The following CDK7 variants were observed in gnomAD, a reference collection of about 807,000 sequenced individuals.
CDK7 encodes the protein cyclin dependent kinase 7, also known as cyclin-dependent kinase 7.
CDK7 carries 25 observed loss-of-function variants against 49.1 expected under a neutral mutation model. The ratio of observed to expected loss-of-function variants is 0.51; its 90% CI spans 0.37 to 0.71. The LOEUF (loss-of-function observed/expected upper bound fraction) is 0.71. CDK7 is among the 30% of genes least tolerant of loss of function. The probability of loss-of-function intolerance (pLI) is 0.00; values close to 1 mark genes in which losing one functional copy is unlikely to be tolerated. For synonymous variants in CDK7, 107 were observed against 140.0 expected (o/e 0.76, Z 1.67); for missense variants, 316 against 411.7 (o/e 0.77, Z 2.01).
chr5:69,270,483 G>A (rs1464802725), intron 9 of CDK7, among the ~76,000 whole-genome samples: 6 of 152,022 alleles, frequency 3.9e-5, no homozygotes, highest in African/African-American at 2.4e-5. Flanking sequence ...CATATTTCAC[G>A]GACCCTTTAC....
At chr5:69,256,653 A>G (rs929188249) in intron 5 of CDK7, among the ~76,000 whole-genome samples, 1 of 152,126 alleles carries the variant, frequency 6.6e-6, no homozygotes, top group African/African-American at 2.4e-5. Context: ...TTTCTTTTAG[A>G]TAAATACCTA....
At chr5:69,236,541 C>CT (rs372172539) in intron 2 of CDK7, among the ~76,000 whole-genome samples, 1 of 151,960 alleles carries the variant, frequency 6.6e-6, no homozygotes, top group South Asian at 2.1e-4. Context: ...TTAATTCCCC[C>CT]TTTTTTTGGT....
At position 69,277,127 on chromosome 5, in the gene CDK7, A is replaced by G. The variant is rs779651538; in HGVS notation, c.1033A>G (p.Ile345Val). Residue 345 changes from isoleucine to valine, a missense_variant, in exon 12 of 12, where the codon ATT (isoleucine) becomes GTT (valine). Transcript: ENST00000256443. ...LEQGGLPKKL[I>V]F ...CCTAGGAGGATTGCCCAAGAAACTA[A>G]TTTTTTAAAGAGAACACTGGACAAC... The G allele has an allele frequency of 3.1e-6, 5 of 1,599,576 alleles. No individual in the cohort carries two copies. The highest frequency in any genetic ancestry group is 3.5e-5 in the Admixed American group (2 of 57,356).
At chr5:69,262,701 G>T (rs1036228414) in intron 8 of CDK7, among the ~76,000 whole-genome samples, 1 of 148,892 alleles carries the variant, frequency 6.7e-6, no homozygotes, top group African/African-American at 2.5e-5. Context: ...AAAAAGAAAA[G>T]AATTCTTGTC....
intron 2 of CDK7, among the ~76,000 whole-genome samples, chr5:69,241,043 AT>A (rs1331494739): frequency 3.3e-5 from 5 of 152,206 alleles, no homozygotes; most frequent in African/African-American, 1.2e-4. Flanking sequence ...TAGTGCTGCA[AT>A]AAACATGGGA....
intron 2 of CDK7, among the ~76,000 whole-genome samples, chr5:69,241,228 C>G (rs1426132752): frequency 1.3e-5 from 2 of 151,812 alleles, no homozygotes; most frequent in Non-Finnish European, 2.9e-5. Flanking sequence ...TCCCTTTTCT[C>G]CACATCCCTC....
chr5:69,255,444 T>A lies in CDK7; in HGVS notation c.229-16T>A. ...TATTAAATAGTGAATCACATTTTAA[T>A]TTTTTAACTTTGCAGCTCCTTGATG... On this transcript the variant is annotated splice_polypyrimidine_tract_variant and intron_variant, in intron 4 of 11. Transcript: ENST00000256443. 6.6e-7 allele frequency: 1 copy of A among 1,510,150 alleles called. No homozygotes were observed. The highest frequency in any genetic ancestry group is 9.0e-7 in the Non-Finnish European group (1 of 1,114,876). 93.5% of individuals were successfully genotyped at this position (1,510,150 alleles called of 1,614,324 possible).
chr5:69,255,407 GA>G (rs1554064413), intron 4 of CDK7, 52 bp from the exon 5 acceptor site: 2 of 1,032,858 alleles, frequency 1.9e-6, no homozygotes, highest in African/African-American at 3.2e-5. Flanking sequence ...CAGTTGCTAT[GA>G]TACTGTCAGG....
chr5:69,246,630 C>T (rs1240995123), intron 2 of CDK7, among the ~76,000 whole-genome samples: 3 of 150,554 alleles, frequency 2.0e-5, no homozygotes, highest in Non-Finnish European at 3.0e-5. Flanking sequence ...TTATTTTCTT[C>T]TAACTTTGGG....
chr5:69,251,607 A>T (rs1213856511), intron 2 of CDK7, among the ~76,000 whole-genome samples: 2 of 151,998 alleles, frequency 1.3e-5, no homozygotes, highest in Admixed American at 6.6e-5. Flanking sequence ...CAGTGTGATC[A>T]TGGCTCACTG....
intron 2 of CDK7, among the ~76,000 whole-genome samples, chr5:69,250,499 G>A (rs1435374960): frequency 1.3e-5 from 2 of 152,318 alleles, no homozygotes; most frequent in East Asian, 1.9e-4. Flanking sequence ...GGTACCACCA[G>A]TGTTCACTTA....
At chr5:69,273,773 A>AT (rs1490922656) in intron 10 of CDK7, among the ~76,000 whole-genome samples, 3 of 152,192 alleles carry the variant, frequency 2.0e-5, no homozygotes, top group Admixed American at 6.6e-5. Flanking sequence ...AGCATACAAA[A>AT]TAGATTTTTT....
rs753545003 is a variant in CDK7 at position 69,272,889 on chromosome 5, C to T, written c.715-3C>T. On this transcript the variant is annotated splice_polypyrimidine_tract_variant and splice_region_variant and intron_variant, in intron 9 of 11. Coordinates refer to ENST00000256443, the MANE Select transcript of CDK7 (RefSeq NM_001799.4). The stretch of plus-strand genomic sequence containing the variant: ...AGTTTGAATTACAAAATTATTTTTA[C>T]AGGACATGTGTAGTCTTCCAGATTA... The T allele has an allele frequency of 2.6e-6, 4 of 1,544,660 alleles. No individual in the cohort carries two copies. The highest frequency in any genetic ancestry group is 2.3e-5 in the East Asian group (1 of 43,988).
intron 5 of CDK7, 87 bp from the exon 6 acceptor site, chr5:69,257,956 T>C (rs1561361899): frequency 2.1e-5 from 16 of 745,750 alleles, no homozygotes. Flanking sequence ...TATTGATACT[T>C]ACATTTTAAG....
chr5:69,254,887 C>T (rs775289272), intron 4 of CDK7, among the ~76,000 whole-genome samples: 4 of 152,140 alleles, frequency 2.6e-5, no homozygotes, highest in South Asian at 2.1e-4. Flanking sequence ...CTAATTTTGT[C>T]GGAAATAATT....
intron 1 of CDK7, 113 bp downstream of exon 1, chr5:69,235,154 T>C: frequency 9.4e-7 from 1 of 1,058,562 alleles, no homozygotes; most frequent in East Asian, 2.6e-5. Context: ...CTCGTTCTCG[T>C]TGGGGGAAAC....
intron 8 of CDK7, among the ~76,000 whole-genome samples, chr5:69,265,043 C>G (rs2150221094): frequency 6.6e-6 from 1 of 151,742 alleles, no homozygotes; most frequent in South Asian, 2.1e-4. Context: ...GCAGGCAGAT[C>G]ACGAGGTGAG....
chr5:69,253,413 C>T (rs984835013), intron 3 of CDK7, among the ~76,000 whole-genome samples: 1 of 152,022 alleles, frequency 6.6e-6, no homozygotes, highest in African/African-American at 2.4e-5. Flanking sequence ...TACAGGTGCA[C>T]ACCACCATGC....
intron 8 of CDK7, among the ~76,000 whole-genome samples, chr5:69,264,251 A>G (rs1751005232): frequency 6.6e-6 from 1 of 152,226 alleles, no homozygotes; most frequent in Non-Finnish European, 1.5e-5. Context: ...TAAGCACACC[A>G]TACTTTTTTA....
Sources: gnomAD v4.1 joint callset for allele counts (sites outside exome capture counted in the v4.1 genomes callset) on GRCh38, gnomAD v4.1.1 for gene constraint, MANE v1.5 for transcripts, NCBI Gene and HGNC (gene_info 2026-07-23, HGNC 2026-07-21) for gene names.